Variants in CWF19L2 observed in about 807,000 individuals in gnomAD.
CWF19L2 encodes CWF19 like cell cycle control factor 2.
A neutral mutation model predicts 111.7 loss-of-function variants in CWF19L2; 98 were observed. That is an observed-to-expected ratio of 0.88 (90% CI 0.75 to 1.04). CWF19L2 has a LOEUF of 1.04. CWF19L2 is among the 50% of genes least tolerant of loss of function. The pLI, the probability that CWF19L2 is intolerant of heterozygous loss-of-function variation, is 0.00. For synonymous variants in CWF19L2, 351 were observed against 342.9 expected (o/e 1.02, Z -0.26); for missense variants, 1,101 against 1,051.4 (o/e 1.05, Z -0.65).
chr11:107,349,086 ATTG>A lies in CWF19L2; in HGVS notation c.2086-36_2086-34del, dbSNP rs1224476670. ...AGAGAAATACAAAAGGTGAAATGTT[ATTG>A]TTATTTATATGTTATATATTTATAT... On this transcript the variant is annotated intron_variant, in intron 13 of 17. Coordinates refer to ENST00000282251, the MANE Select transcript of CWF19L2 (RefSeq NM_152434.3). 3.6e-6 allele frequency: 4 copies of A among 1,100,966 alleles called. No individual in the cohort carries two copies. In the East Asian group the frequency reaches 7.7e-5, roughly 21 times the overall value. 68.2% of individuals were successfully genotyped at this position (1,100,966 alleles called of 1,614,324 possible).
intron 12 of CWF19L2, among the ~76,000 whole-genome samples, chr11:107,387,618 G>A (rs1434689894): frequency 2.6e-5 from 4 of 152,106 alleles, no homozygotes; most frequent in African/African-American, 9.7e-5. Context: ...AGACAGGGTG[G>A]CAGGGCAGTG....
chr11:107,352,725 A>G (rs1259869084), intron 13 of CWF19L2, among the ~76,000 whole-genome samples: 2 of 152,326 alleles, frequency 1.3e-5, no homozygotes, highest in South Asian at 4.1e-4. Context: ...AATAAATCAA[A>G]AGAAGCCAGA....
At chr11:107,348,899 T>G in intron 14 of CWF19L2, 38 bp downstream of exon 14, 270 of 1,215,024 alleles carry the variant, frequency 2.2e-4, no homozygotes, top group Non-Finnish European at 2.9e-4. Context: ...AAATTGCTCA[T>G]GAGTTTTAAA....
chr11:107,401,766 C>T (rs1861003381), intron 10 of CWF19L2, among the ~76,000 whole-genome samples: 1 of 152,096 alleles, frequency 6.6e-6, no homozygotes, highest in African/African-American at 2.4e-5. Flanking sequence ...AAATGGCCCA[C>T]ATAGCCAAAG....
At chr11:107,404,085 A>G in intron 10 of CWF19L2, 1 of 772,496 alleles carries the variant, frequency 1.3e-6, no homozygotes, top group Non-Finnish European at 2.4e-6. Context: ...GAATGCTCAT[A>G]TATGGTTCTC....
chr11:107,327,167 T>G (rs1449606127), intron 17 of CWF19L2, 114 bp from the exon 18 acceptor site: 1 of 1,086,606 alleles, frequency 9.2e-7, no homozygotes, highest in African/African-American at 1.6e-5. Context: ...TCCATGACAA[T>G]GTTCAAGCAT....
intron 3 of CWF19L2, among the ~76,000 whole-genome samples, chr11:107,451,254 G>A (rs1861774451): frequency 6.6e-6 from 1 of 151,842 alleles, no homozygotes; most frequent in African/African-American, 2.4e-5. Context: ...AAAAAGTAAA[G>A]TAAAAAATAT....
At chr11:107,336,303 T>G (rs566506862) in intron 15 of CWF19L2, among the ~76,000 whole-genome samples, 1 of 152,010 alleles carries the variant, frequency 6.6e-6, no homozygotes, top group South Asian at 2.1e-4. Flanking sequence ...CCCACCACCA[T>G]GCCCAGTTAA....
intron 16 of CWF19L2, among the ~76,000 whole-genome samples, chr11:107,330,702 C>T (rs1286580484): frequency 7.0e-6 from 1 of 143,036 alleles, no homozygotes; most frequent in East Asian, 2.2e-4. Context: ...TAAACTATTT[C>T]ATGACTAGGA....
intron 10 of CWF19L2, among the ~76,000 whole-genome samples, chr11:107,410,121 G>C (rs939875315): frequency 6.6e-6 from 1 of 152,094 alleles, no homozygotes; most frequent in African/African-American, 2.4e-5. Flanking sequence ...CAACAAACGA[G>C]CTAAGCAATG....
chr11:107,359,185 T>C (rs1020970450), intron 12 of CWF19L2, among the ~76,000 whole-genome samples: 4 of 152,150 alleles, frequency 2.6e-5, no homozygotes, highest in Admixed American at 6.6e-5. Flanking sequence ...CTGAGCCCGA[T>C]AGGATAACTC....
chr11:107,403,475 G>A, intron 10 of CWF19L2: 1 of 815,894 alleles, frequency 1.2e-6, no homozygotes, highest in South Asian at 1.3e-5. Flanking sequence ...CTCTGAGCCA[G>A]TGTTACTATC....
intron 3 of CWF19L2, among the ~76,000 whole-genome samples, chr11:107,450,755 A>G (rs2135429258): frequency 6.6e-6 from 1 of 152,318 alleles, no homozygotes; most frequent in East Asian, 1.9e-4. Flanking sequence ...AAGAGACTTC[A>G]GACAAGAGTA....
chr11:107,392,466 T>A (rs1449304617), intron 11 of CWF19L2, among the ~76,000 whole-genome samples: 1 of 152,112 alleles, frequency 6.6e-6, no homozygotes, highest in Non-Finnish European at 1.5e-5. Context: ...GAGACCAAAG[T>A]TTTCCCTAAG....
chr11:107,381,907 CTT>C (rs1217342339), intron 12 of CWF19L2, among the ~76,000 whole-genome samples: 8 of 151,986 alleles, frequency 5.3e-5, no homozygotes, highest in Non-Finnish European at 8.8e-5. Flanking sequence ...TTTTTAATAA[CTT>C]AAGGTAAAAT....
At chr11:107,432,594 A>C (rs374776440) in intron 7 of CWF19L2, among the ~76,000 whole-genome samples, 3 of 152,240 alleles carry the variant, frequency 2.0e-5, no homozygotes, top group African/African-American at 7.2e-5. Flanking sequence ...AAATAAAAAT[A>C]AAATTCCAAT....
In CWF19L2 at chr11:107,422,963, A is replaced by G. The variant is rs148649867; in HGVS notation, c.1434-4676T>C. Among the ~76,000 whole-genome samples, 1,163 of 152,128 alleles carry G rather than the reference A, an allele frequency of 7.6e-3. 8 individuals are homozygous for G. Among genetic ancestry groups the G allele is most frequent in the Non-Finnish European group, 0.012 (848 of 67,918 alleles). On this transcript the variant is annotated intron_variant, in intron 8 of 17. Transcript: ENST00000282251. ...AAATCTAAAATATTTGAGGTAAAGCAACACTAGAAAGTAACATATTTTCAT... is the reference window on the plus strand; with the variant it reads ...AAATCTAAAATATTTGAGGTAAAGCGACACTAGAAAGTAACATATTTTCAT...
chr11:107,339,440 A>G (rs1462625164), intron 14 of CWF19L2, among the ~76,000 whole-genome samples: 1 of 152,064 alleles, frequency 6.6e-6, no homozygotes, highest in African/African-American at 2.4e-5. Context: ...ACTATTTTAC[A>G]TTTCTACCAT....
Position 107,353,537 on chromosome 11 carries a change from G to A in CWF19L2, c.2072C>T (p.Ala691Val). 6.2e-7 allele frequency: 1 copy of A among 1,613,198 alleles called. No individual in the cohort carries two copies. Among genetic ancestry groups the A allele is most frequent in the African/African-American group, 1.3e-5 (1 of 74,996 alleles). The stretch of plus-strand genomic sequence containing the variant: ...AATACTTCTTACCTTAACACCTATT[G>A]CAACAATAAGATGCTTGGGAAATTG... ...SSQFPKHLIV[A>V]IGVKVYLCLP... Residue 691 changes from alanine (A) to valine (V), a missense_variant, in exon 13 of 18, where the codon GCA (alanine) becomes GTA (valine). Transcript: ENST00000282251.
Sources: allele counts gnomAD v4.1 joint callset (sites outside exome capture counted in the v4.1 genomes callset), GRCh38; gene constraint gnomAD v4.1.1; transcripts MANE v1.5; gene names NCBI Gene and HGNC (gene_info 2026-07-23, HGNC 2026-07-21).